Variants in PTPN13 observed in about 807,000 individuals in gnomAD.
The protein encoded by PTPN13 is tyrosine-protein phosphatase non-receptor type 13.
Under a neutral mutation model 284.0 loss-of-function variants are expected in PTPN13, and 191 were observed. The observed-to-expected ratio is 0.67, with a 90% confidence interval of 0.60 to 0.76. The LOEUF is 0.76. Among genes scored for constraint, PTPN13 ranks in the 30% least tolerant of loss-of-function variants. The pLI is 0.00. For synonymous variants in PTPN13, 986 were observed against 1,022.3 expected (o/e 0.96, Z 0.68); for missense variants, 2,797 against 2,939.9 (o/e 0.95, Z 1.12).
chr4:86,716,930 A>G (rs1733093121), intron 8 of PTPN13, 94 bp from the exon 9 acceptor site: 3 of 826,580 alleles, frequency 3.6e-6, no homozygotes, highest in Non-Finnish European at 5.8e-6. Context: ...TTAGATTTGT[A>G]CAACTCTATG....
chr4:86,640,982 T>A (rs1370793753), intron 2 of PTPN13, among the ~76,000 whole-genome samples: 1 of 152,174 alleles, frequency 6.6e-6, no homozygotes, highest in African/African-American at 2.4e-5. Context: ...GATTACCAAT[T>A]GTTATGATTG....
chr4:86,758,994 T>C lies in PTPN13; in HGVS notation c.3474T>C (p.His1158=). The C allele has an allele frequency of 6.2e-7, 1 of 1,613,798 alleles. No individual in the cohort carries two copies. The highest frequency in any genetic ancestry group is 8.5e-7 in the Non-Finnish European group (1 of 1,179,748). ...TGAGTCTGGAGGGAGTCAGCCACCA[T>C]GCTGCAATTGAAATTTTGCAAAATG... ...NSVSLEGVSH[H]AAIEILQNAP... Residue 1158 remains histidine (H), a synonymous_variant, in exon 23 of 48, where the codon CAT becomes CAC. Coordinates refer to ENST00000411767, the MANE Select transcript of PTPN13 (RefSeq NM_080683.3).
chr4:86,609,853 C>T (rs561866794), intron 1 of PTPN13, among the ~76,000 whole-genome samples: 9 of 152,134 alleles, frequency 5.9e-5, no homozygotes, highest in African/African-American at 1.4e-4. Context: ...AGTTGTACTT[C>T]GGGGGACTTA....
intron 2 of PTPN13, among the ~76,000 whole-genome samples, chr4:86,639,495 C>A (rs1297488021): frequency 1.3e-5 from 2 of 151,688 alleles, no homozygotes; most frequent in African/African-American, 4.9e-5. Flanking sequence ...TACTATGCAG[C>A]CATAAAAAAA....
chr4:86,598,434 C>G (rs1471493020), intron 1 of PTPN13, among the ~76,000 whole-genome samples: 2 of 152,176 alleles, frequency 1.3e-5, no homozygotes, highest in African/African-American at 2.4e-5. Flanking sequence ...CGTGAGCCAC[C>G]GTGCCTGGTC....
At chr4:86,796,424 T>C (rs964558675) in intron 40 of PTPN13, among the ~76,000 whole-genome samples, 1 of 151,840 alleles carries the variant, frequency 6.6e-6, no homozygotes, top group African/African-American at 2.4e-5. Context: ...AGCTCAAGGC[T>C]AGGAGTTTAA....
At chr4:86,741,547 C>T in intron 15 of PTPN13, 87 bp from the exon 16 acceptor site, 1 of 1,195,300 alleles carries the variant, frequency 8.4e-7, no homozygotes, top group Non-Finnish European at 1.2e-6. Flanking sequence ...TGTGGGGGGA[C>T]ACGGCCAAAC....
rs967025200 is a variant in PTPN13, at chr4:86,782,143, A to T, written c.5963-58A>T. On this transcript the variant is annotated intron_variant, in intron 36 of 47. Transcript: ENST00000411767. ...ATGTGAGTTTTCTTTAATTATTTTG[A>T]TGTCCCTCTTGTGGTTTGGATTGGC... 4 of 1,158,770 alleles carry T rather than the reference A, an allele frequency of 3.5e-6. No homozygotes were observed. In the Admixed American group the frequency reaches 5.9e-5, roughly 17 times the overall value. The allele number at this position is 1,158,770 out of a possible 1,614,324, so 71.8% of individuals were successfully genotyped here. A position where few individuals can be genotyped will look rare whatever the true frequency, so the allele number is the denominator to read the frequency against.
intron 2 of PTPN13, among the ~76,000 whole-genome samples, chr4:86,641,354 T>A (rs2148758246): frequency 6.6e-6 from 1 of 152,248 alleles, no homozygotes; most frequent in Middle Eastern, 3.4e-3. Context: ...CATCTTGAAC[T>A]TGTACGTTGT....
chr4:86,612,682 G>GA (rs879342158), intron 1 of PTPN13, among the ~76,000 whole-genome samples: 106 of 151,904 alleles, frequency 7.0e-4, no homozygotes, highest in South Asian at 1.0e-3. Flanking sequence ...AGTAGTCATA[G>GA]AAAAAAAAGC....
chr4:86,615,579 C>T (rs1480221648), intron 1 of PTPN13, among the ~76,000 whole-genome samples: 1 of 152,078 alleles, frequency 6.6e-6, no homozygotes, highest in East Asian at 1.9e-4. Context: ...ACTTGGAAAA[C>T]ATGTTAGAGG....
intron 2 of PTPN13, among the ~76,000 whole-genome samples, chr4:86,666,485 A>G (rs1022206319): frequency 3.3e-5 from 5 of 152,214 alleles, no homozygotes; most frequent in African/African-American, 4.8e-5. Flanking sequence ...ATGGGAAACT[A>G]ATTTTTGCAA....
chr4:86,771,529 A>T lies in PTPN13; in HGVS notation c.5162A>T (p.Glu1721Val), dbSNP rs772900134. ...PQKIPNKPEF[E>V]DSNPSPLPPD... ...AAAATTCCCAATAAACCAGAGTTTGAGGACAGGTATCATCAATATAATGTG... is the reference window on the plus strand; with the variant it reads ...AAAATTCCCAATAAACCAGAGTTTGTGGACAGGTATCATCAATATAATGTG... Residue 1721 changes from glutamate (E) to valine (V), a missense_variant, in exon 31 of 48, where the codon GAG (glutamate) becomes GTG (valine). Physicochemically the swap from Glu to Val is moderately radical, Grantham distance 121 (BLOSUM62 -2). Coordinates refer to ENST00000411767, the MANE Select transcript of PTPN13 (RefSeq NM_080683.3). 22 of 1,571,060 alleles carry T rather than the reference A, an allele frequency of 1.4e-5. No homozygotes were observed. Among genetic ancestry groups the T allele is most frequent in the Non-Finnish European group, 6.1e-6 (7 of 1,155,322 alleles).
intron 12 of PTPN13, 24 bp from the exon 13 acceptor site, chr4:86,734,279 G>A (rs1395895654): frequency 2.1e-6 from 3 of 1,407,880 alleles, no homozygotes; most frequent in Non-Finnish European, 1.9e-6. Context: ...TATTTTATCT[G>A]AATATTTTTC....
At position 86,814,452 on chromosome 4, in the gene PTPN13, A is replaced by G. The variant is rs766371328; in HGVS notation, c.7363-4A>G. 93 of 1,598,670 alleles carry G rather than the reference A, an allele frequency of 5.8e-5. 1 individual carries two copies. The highest frequency in any genetic ancestry group is 7.7e-5 in the Non-Finnish European group (90 of 1,168,384). ...GTATTCTATCTCACTTTTTTTGGCC[A>G]TAGGATCAATATATTTTCTGCTATC... is the stretch of plus-strand genomic sequence containing the variant. On this transcript the variant is annotated splice_region_variant and splice_polypyrimidine_tract_variant and intron_variant, in intron 47 of 47. Coordinates refer to ENST00000411767, the MANE Select transcript of PTPN13 (RefSeq NM_080683.3).
intron 1 of PTPN13, among the ~76,000 whole-genome samples, chr4:86,604,969 T>C (rs978514069): frequency 2.6e-5 from 4 of 152,026 alleles, no homozygotes; most frequent in African/African-American, 7.2e-5. Flanking sequence ...TCTGATTTAA[T>C]CAGGATTCAC....
chr4:86,814,652 C>A lies in PTPN13; in HGVS notation c.*101C>A. On this transcript the variant is annotated 3_prime_UTR_variant, in exon 48 of 48. Transcript: ENST00000411767. Reference sequence around the variant, plus strand: ...AAGATCACAGAGCAGCAAGTTCATACAACATGCATGTTCTCCTCTATCTTA... The same window carrying A: ...AAGATCACAGAGCAGCAAGTTCATAAAACATGCATGTTCTCCTCTATCTTA... 1.1e-6 allele frequency: 1 copy of A among 870,496 alleles called. No homozygotes were observed. Among genetic ancestry groups the A allele is most frequent in the Non-Finnish European group, 1.8e-6 (1 of 546,072 alleles). 53.9% of individuals were successfully genotyped at this position (870,496 alleles called of 1,614,324 possible).
At position 86,774,569 on chromosome 4, in the gene PTPN13, G is replaced by A. The variant is rs147827539; in HGVS notation, c.5508+38G>A. 2.7e-3 allele frequency: 4,090 copies of A among 1,534,174 alleles called. 13 individuals are homozygous for A. Among genetic ancestry groups the A allele is most frequent in the Middle Eastern group, 5.8e-3 (34 of 5,864 alleles). On this transcript the variant is annotated intron_variant, in intron 33 of 47. Coordinates refer to ENST00000411767, the MANE Select transcript of PTPN13 (RefSeq NM_080683.3). ...AGAGGAATGGATTATTTGTGTAAAT[G>A]TAGACAAAGAGCAAGCCAGAAAAAG... is the stretch of plus-strand genomic sequence containing the variant.
intron 2 of PTPN13, among the ~76,000 whole-genome samples, chr4:86,662,049 T>C (rs1726552098): frequency 6.6e-6 from 1 of 152,228 alleles, no homozygotes; most frequent in Non-Finnish European, 1.5e-5. Context: ...GTAAAACTTT[T>C]TTTTACTGGT....
Sources: gnomAD v4.1 joint callset for allele counts (sites outside exome capture counted in the v4.1 genomes callset) on GRCh38, gnomAD v4.1.1 for gene constraint, MANE v1.5 for transcripts, NCBI Gene and HGNC (gene_info 2026-07-23, HGNC 2026-07-21) for gene names.